Variants in ABCA8 observed in about 807,000 individuals in gnomAD.
ABCA8 encodes ATP binding cassette subfamily A member 8.
A neutral mutation model predicts 192.3 loss-of-function variants in ABCA8; 177 were observed. The observed-to-expected ratio is 0.92, with a 90% CI of 0.81 to 1.04. The LOEUF (loss-of-function observed/expected upper bound fraction) is 1.04. Ranked by LOEUF, ABCA8 falls within the 50% of genes least tolerant of loss-of-function variation. The pLI is 0.00. For missense variants in ABCA8, 1,915 were observed against 1,904.8 expected, an observed-to-expected ratio of 1.01 and a Z score of -0.10; for synonymous variants, 642 against 690.2, an observed-to-expected ratio of 0.93 and a Z score of 1.09.
Position 68,919,409 on chromosome 17 carries a change from G to A in ABCA8, c.1680C>T (p.Thr560=), listed in dbSNP as rs780658409. 5.6e-5 allele frequency: 90 copies of A among 1,613,808 alleles called. No individual in the cohort carries two copies. Among genetic ancestry groups the A allele is most frequent in the African/African-American group, 6.7e-5 (5 of 74,896 alleles). The change falls in exon 14 of 40, where the codon ACC becomes ACT. Residue 560 remains threonine (T), a synonymous_variant. Coordinates refer to ENST00000586539, the MANE Select transcript of ABCA8 (RefSeq NM_001288985.2). ...MADLENLSKL[T]GVCPQSNVQF... is the part of the protein sequence containing the mutation. ...GCACATTGGATTGTGGACAAACTCCGGTCAGCTTGCTGAGATTTTCTAGGT... is the reference window on the plus strand; with the variant it reads ...GCACATTGGATTGTGGACAAACTCCAGTCAGCTTGCTGAGATTTTCTAGGT...
chr17:68,903,406 A>G lies in ABCA8; in HGVS notation c.2492T>C (p.Met831Thr), dbSNP rs754985708. The G allele has an allele frequency of 1.2e-6, 2 of 1,612,612 alleles. No homozygotes were observed. Among genetic ancestry groups the G allele is most frequent in the Non-Finnish European group, 1.7e-6 (2 of 1,178,600 alleles). Residue 831 changes from methionine (M) to threonine (T), a missense_variant, in exon 20 of 40, where the codon ATG (methionine) becomes ACG (threonine). By Grantham distance (81) the Met-to-Thr change is moderately conservative. Coordinates refer to ENST00000586539, the MANE Select transcript of ABCA8 (RefSeq NM_001288985.2). ...MEQVLSSLNK[M>T]RKTIGGVALW... is the part of the protein sequence containing the mutation. ...AGCCACACCACCTATTGTCTTTCTC[A>G]TCTTGTTAAGTGAAGAGAGGACTTG...
rs192894780 is a variant in ABCA8 at position 68,907,914 on chromosome 17, A to G, written c.2139-35T>C. The stretch of plus-strand genomic sequence containing the variant: ...AGAAAAAAAAAAAAAGACATATGTT[A>G]CTCGACATAGTCTCCAATAGCAAGA... On this transcript the variant is annotated intron_variant, in intron 17 of 39. Coordinates refer to ENST00000586539, the MANE Select transcript of ABCA8 (RefSeq NM_001288985.2). 46 of 1,536,286 alleles carry G rather than the reference A, an allele frequency of 3.0e-5. No homozygotes were observed. In the African/African-American group the frequency reaches 6.0e-4, roughly 20 times the overall value.
chr17:68,936,926 T>C, intron 5 of ABCA8, 25 bp downstream of exon 5: 1 of 1,536,814 alleles, frequency 6.5e-7, no homozygotes. Flanking sequence ...TAGAGAGTAG[T>C]GAAATTTTAG....
chr17:68,887,959 TATATACACACAC>T (rs1598203745), intron 24 of ABCA8, among the ~76,000 whole-genome samples: 1 of 134,414 alleles, frequency 7.4e-6, no homozygotes, highest in East Asian at 2.1e-4. Flanking sequence ...TATATGGATA[TATATACACACAC>T]ATATATATGG....
chr17:68,870,408 C>T lies in ABCA8; in HGVS notation c.4632-629G>A, dbSNP rs145422814. 5.0e-3 allele frequency among the ~76,000 whole-genome samples: 766 copies of T among 152,252 alleles called. 4 individuals carry two copies. Among genetic ancestry groups the T allele is most frequent in the Non-Finnish European group, 7.6e-3 (517 of 68,010 alleles). ...CCTGCCACTGTGTTTGGGGTGATTC[C>T]GGCTGCAGGTTCAGTGGGACAAAAG... On this transcript the variant is annotated intron_variant, in intron 37 of 39. Coordinates refer to ENST00000586539, the MANE Select transcript of ABCA8 (RefSeq NM_001288985.2).
At chr17:68,937,601 C>T (rs1456255685) in intron 4 of ABCA8, among the ~76,000 whole-genome samples, 1 of 152,040 alleles carries the variant, frequency 6.6e-6, no homozygotes, top group Non-Finnish European at 1.5e-5. Context: ...GTTGACATCA[C>T]TGAAAGAATC....
chr17:68,935,540 CTATATATATATATA>C (rs6146128), intron 5 of ABCA8, among the ~76,000 whole-genome samples: 7 of 87,290 alleles, frequency 8.0e-5, no homozygotes, highest in African/African-American at 2.3e-4. Flanking sequence ...AGTAGTATTC[CTATATATATATATA>C]TATATATATA....
Position 68,885,308 on chromosome 17 carries a change from A to G in ABCA8, c.3437T>C (p.Val1146Ala). The G allele has an allele frequency of 6.2e-7, 1 of 1,610,038 alleles. No individual in the cohort carries two copies. Among genetic ancestry groups the G allele is most frequent in the East Asian group, 2.2e-5 (1 of 44,786 alleles). Residue 1146 changes from valine to alanine, a missense_variant, in exon 27 of 40, where the codon GTA becomes GCA. Physicochemically the swap from Val to Ala is moderately conservative, Grantham distance 64. Coordinates refer to ENST00000586539, the MANE Select transcript of ABCA8 (RefSeq NM_001288985.2). ...IWSFCFYVVT[V>A]FSVAGFAFSI... is the part of the protein sequence containing the mutation. ...GAACGCAAATCCAGCCACAGAGAAT[A>G]CAGTGACCTAAAAGAAGCAAATATG...
chr17:68,880,954 G>A, intron 32 of ABCA8, 166 bp downstream of exon 32: 1 of 633,714 alleles, frequency 1.6e-6, no homozygotes, highest in East Asian at 2.8e-5. Context: ...TCAGTGCTTA[G>A]CTTTTGTGTG....
At chr17:68,890,096 T>G (rs1418627498) in intron 24 of ABCA8, among the ~76,000 whole-genome samples, 2 of 152,214 alleles carry the variant, frequency 1.3e-5, no homozygotes, top group Non-Finnish European at 2.9e-5. Flanking sequence ...GTTATAACAA[T>G]AAGCATATTT....
chr17:68,873,238 G>T (rs1242343204), intron 37 of ABCA8, among the ~76,000 whole-genome samples: 1 of 152,080 alleles, frequency 6.6e-6, no homozygotes, highest in East Asian at 1.9e-4. Context: ...TGTTACAATT[G>T]CCTACAGTAT....
At chr17:68,935,211 C>T (rs1254071859) in intron 5 of ABCA8, among the ~76,000 whole-genome samples, 17 of 151,056 alleles carry the variant, frequency 1.1e-4, no homozygotes, top group Admixed American at 1.1e-3. Context: ...TCTCCTGCCT[C>T]AGCCTCCTGA....
At chr17:68,869,827 G>T in intron 37 of ABCA8, 48 bp from the exon 38 acceptor site, 1 of 1,234,526 alleles carries the variant, frequency 8.1e-7, no homozygotes, top group Non-Finnish European at 1.2e-6. Context: ...TGTGCCAGAT[G>T]TGAACTGATG....
intron 7 of ABCA8, chr17:68,931,949 G>A (rs1188467354): frequency 1.6e-5 from 3 of 189,062 alleles, no homozygotes; most frequent in East Asian, 2.2e-4. Flanking sequence ...GGTGGCTCGC[G>A]CCTGTAATCC....
chr17:68,910,806 C>T (rs1307499837), intron 17 of ABCA8, among the ~76,000 whole-genome samples: 1 of 152,200 alleles, frequency 6.6e-6, no homozygotes, highest in Non-Finnish European at 1.5e-5. Context: ...GGCCCTTGCT[C>T]CCAGATGACA....
At chr17:68,914,437 G>A (rs1029282161) in intron 17 of ABCA8, among the ~76,000 whole-genome samples, 10 of 151,986 alleles carry the variant, frequency 6.6e-5, no homozygotes, top group Non-Finnish European at 1.2e-4. Context: ...GATAAACAAA[G>A]TCAGTAAAGT....
At chr17:68,894,360 C>A in intron 22 of ABCA8, 50 bp from the exon 23 acceptor site, 1 of 1,510,482 alleles carries the variant, frequency 6.6e-7, no homozygotes, top group African/African-American at 1.4e-5. Context: ...TCATTTTGTT[C>A]TCTAAAAAAG....
At chr17:68,889,302 C>T (rs1439221317) in intron 24 of ABCA8, among the ~76,000 whole-genome samples, 1 of 152,132 alleles carries the variant, frequency 6.6e-6, no homozygotes, top group African/African-American at 2.4e-5. Context: ...CATATAAATT[C>T]ACCGCCTAAG....
At chr17:68,925,781 T>C (rs1025089809) in intron 10 of ABCA8, among the ~76,000 whole-genome samples, 2 of 152,222 alleles carry the variant, frequency 1.3e-5, no homozygotes, top group Admixed American at 1.3e-4. Context: ...GGATACCTTC[T>C]GCCACCAGAT....
Sources: allele counts gnomAD v4.1 joint callset (sites outside exome capture counted in the v4.1 genomes callset), GRCh38; gene constraint gnomAD v4.1.1; transcripts MANE v1.5; gene names NCBI Gene and HGNC (gene_info 2026-07-23, HGNC 2026-07-21).